The following SHISA2 variants were observed in gnomAD, a reference collection of about 807,000 sequenced individuals.
SHISA2 encodes the protein protein shisa-2 homolog.
A neutral mutation model predicts 23.8 loss-of-function variants in SHISA2; 16 were observed. That is an observed-to-expected ratio of 0.67 (90% CI 0.46 to 1.02). The LOEUF (loss-of-function observed/expected upper bound fraction) is 1.02, where lower values mean the gene tolerates loss of function less well. Ranked by LOEUF, SHISA2 falls within the 50% of genes least tolerant of loss-of-function variation. The pLI is 0.00. For synonymous variants in SHISA2, 201 were observed against 178.6 expected (o/e 1.13, Z -1.00); for missense variants, 459 against 420.1 (o/e 1.09, Z -0.81).
rs757298886 is a variant in SHISA2 at position 26,046,993 on chromosome 13, T to G, written c.408A>C (p.Ala136=). The part of the protein sequence containing the change: ...VAFIILGSLV[A]ACCCRCLRPK... ...GCCGGAGACATCTGCAGCAACAGGC[T>G]GCCACCAGGGACCCCAAGATGATAA... The change falls in exon 2 of 2, where the codon GCA becomes GCC. Residue 136 remains alanine (A), a synonymous_variant. Transcript: ENST00000319420. The G allele has an allele frequency of 1.3e-6, 2 of 1,596,208 alleles. No individual in the cohort carries two copies. The highest frequency in any genetic ancestry group is 4.5e-5 in the East Asian group (2 of 44,478).
intron 1 of SHISA2, among the ~76,000 whole-genome samples, chr13:26,048,036 C>T (rs1056812735): frequency 1.7e-4 from 26 of 152,190 alleles, no homozygotes. Context: ...GGCACGGTGG[C>T]TCACGCCTGT....
Position 26,046,670 on chromosome 13 carries a change from T to C in SHISA2, c.731A>G (p.His244Arg). Residue 244 changes from histidine (H) to arginine (R), a missense_variant, in exon 2 of 2, where the codon CAT (histidine) becomes CGT (arginine). His to Arg is a conservative substitution (Grantham distance 29, BLOSUM62 0). Coordinates refer to ENST00000319420, the MANE Select transcript of SHISA2 (RefSeq NM_001007538.2). The part of the protein sequence containing the change: ...QIVPHQGQYL[H>R]PPYVGYTVQH... ...CACCGTGTACCCCACGTATGGGGGA[T>C]GCAGATACTGCCCTTGATGTGGCAC... is the stretch of plus-strand genomic sequence containing the variant. 1.2e-6 allele frequency: 2 copies of C among 1,614,194 alleles called. No individual in the cohort carries two copies. The highest frequency in any genetic ancestry group is 1.1e-5 in the South Asian group (1 of 91,084).
chr13:26,050,251 C>T (rs950733371), intron 1 of SHISA2, among the ~76,000 whole-genome samples: 1 of 152,142 alleles, frequency 6.6e-6, no homozygotes, highest in African/African-American at 2.4e-5. Flanking sequence ...AGGGGAGCAC[C>T]GCTGCCAGGC....
chr13:26,046,654 C>T lies in SHISA2; in HGVS notation c.747G>A (p.Gly249=). Residue 249 remains glycine (G), a synonymous_variant, in exon 2 of 2, where the codon GGG becomes GGA. Transcript: ENST00000319420. ...QGQYLHPPYV[G]YTVQHDSVPM... Reference sequence around the variant, plus strand: ...GCACAGAGTCGTGCTGCACCGTGTACCCCACGTATGGGGGATGCAGATACT... The same window carrying T: ...GCACAGAGTCGTGCTGCACCGTGTATCCCACGTATGGGGGATGCAGATACT... 5 of 1,614,206 alleles carry T rather than the reference C, an allele frequency of 3.1e-6. No homozygotes were observed. Among genetic ancestry groups the T allele is most frequent in the Non-Finnish European group, 4.2e-6 (5 of 1,180,036 alleles).
rs57979033 is a variant in SHISA2 at position 26,049,863 on chromosome 13, A to AACACACACACACACACACACACAC, written c.334+755_334+778dup. Among the ~76,000 whole-genome samples the AACACACACACACACACACACACAC allele has an allele frequency of 5.4e-4, 73 of 136,040 alleles. 2 individuals are homozygous for AACACACACACACACACACACACAC. Among genetic ancestry groups the AACACACACACACACACACACACAC allele is most frequent in the East Asian group, 1.8e-3 (8 of 4,484 alleles). 89.2% of individuals were successfully genotyped at this position (136,040 alleles called of 152,430 possible). A position where few individuals can be genotyped will look rare whatever the true frequency, so the allele number is the denominator to read the frequency against. On this transcript the variant is annotated intron_variant, in intron 1 of 1. Transcript: ENST00000319420. ...ACACCTCCCCTCCCCCGAAATAAAT[A>AACACACACACACACACACACACAC]ACACACACACACACACACACACACA...
In SHISA2 at chr13:26,046,666, G is replaced by C. The variant is rs747457810; in HGVS notation, c.735C>G (p.Pro245=). 1 of 1,614,228 alleles carries C rather than the reference G, an allele frequency of 6.2e-7. No individual in the cohort carries two copies. The highest frequency in any genetic ancestry group is 8.5e-7 in the Non-Finnish European group (1 of 1,180,036). Residue 245 remains proline, a synonymous_variant, in exon 2 of 2, where the codon CCC becomes CCG. Transcript: ENST00000319420. ...IVPHQGQYLH[P]PYVGYTVQHD... ...GCTGCACCGTGTACCCCACGTATGG[G>C]GGATGCAGATACTGCCCTTGATGTG...
Position 26,046,379 on chromosome 13 carries a change from T to C in SHISA2, c.*134A>G, listed in dbSNP as rs572324303. Reference sequence around the variant, plus strand: ...AAATGCTAATTCGGAGATGTTTTCATACAGTCTGGGGGCAAATGAAGCCAT... The same window carrying C: ...AAATGCTAATTCGGAGATGTTTTCACACAGTCTGGGGGCAAATGAAGCCAT... On this transcript the variant is annotated 3_prime_UTR_variant, in exon 2 of 2. Transcript: ENST00000319420. The C allele has an allele frequency of 5.3e-5, 46 of 875,984 alleles. No homozygotes were observed. The highest frequency in any genetic ancestry group is 2.9e-5 in the Non-Finnish European group (17 of 591,268). 54.3% of individuals were successfully genotyped at this position (875,984 alleles called of 1,614,324 possible). A position where few individuals can be genotyped will look rare whatever the true frequency, so the allele number is the denominator to read the frequency against.
rs577293008 is a variant in SHISA2, at chr13:26,051,968, G to A, written c.-993C>T. Among the ~76,000 whole-genome samples the A allele has an allele frequency of 2.5e-4, 17 of 68,708 alleles. No homozygotes were observed. The highest frequency in any genetic ancestry group is 2.0e-3 in the South Asian group (3 of 1,516). 45.1% of individuals were successfully genotyped at this position (68,708 alleles called of 152,430 possible). A position where few individuals can be genotyped will look rare whatever the true frequency, so the allele number is the denominator to read the frequency against. On this transcript the variant is annotated 5_prime_UTR_variant, in exon 1 of 2. Transcript: ENST00000319420. ...ACGGGAGAAGCCGAGCGCAGCAGCC[G>A]CCCACAGCCTCGCCTCGCCCCGCCC...
chr13:26,046,723 C>T lies in SHISA2; in HGVS notation c.678G>A (p.Val226=), dbSNP rs766458532. 5 of 1,614,232 alleles carry T rather than the reference C, an allele frequency of 3.1e-6. No individual in the cohort carries two copies. The East Asian group carries it at 1.1e-4, about 36-fold the overall frequency. The change falls in exon 2 of 2, where the codon GTG becomes GTA. Residue 226 remains valine, a synonymous_variant. Coordinates refer to ENST00000319420, the MANE Select transcript of SHISA2 (RefSeq NM_001007538.2). ...VYVNMPTNFS[V]LNCQQATQIV... is the part of the protein sequence containing the mutation. ...TCTGGGTGGCCTGCTGACAGTTCAG[C>T]ACAGAGAAATTCGTGGGCATGTTGA...
intron 1 of SHISA2, among the ~76,000 whole-genome samples, chr13:26,047,992 T>C (rs1017278887): frequency 1.3e-5 from 2 of 152,160 alleles, no homozygotes; most frequent in East Asian, 3.9e-4. Context: ...ATAAAACCAC[T>C]AGCAAACTCC....
rs1401421012 is a variant in SHISA2 at position 26,046,441 on chromosome 13, C to T, written c.*72G>A. ...GTGCCATAAATACCACCGACATGTG[C>T]GGACTTCCACCTCGAGAATCCACCC... On this transcript the variant is annotated 3_prime_UTR_variant, in exon 2 of 2. Transcript: ENST00000319420. 1.6e-5 allele frequency: 24 copies of T among 1,473,326 alleles called. 1 individual carries two copies. The highest frequency in any genetic ancestry group is 1.2e-4 in the East Asian group (5 of 43,316). 91.3% of individuals were successfully genotyped at this position (1,473,326 alleles called of 1,614,324 possible). A position where few individuals can be genotyped will look rare whatever the true frequency, so the allele number is the denominator to read the frequency against.
chr13:26,046,841 G>C lies in SHISA2; in HGVS notation c.560C>G (p.Ser187Cys). Residue 187 changes from serine to cysteine, a missense_variant, in exon 2 of 2, where the codon TCC becomes TGC. Physicochemically the swap from Ser to Cys is moderately radical, Grantham distance 112. Coordinates refer to ENST00000319420, the MANE Select transcript of SHISA2 (RefSeq NM_001007538.2). ...GGCCCCTGAGTTGGCGCTGGAGCTG[G>C]AACTGGCAGCTGTGCTGGACTGGCG... ...SSRQSSTAAS[S>C]SSSANSGARA... 1 of 1,614,124 alleles carries C rather than the reference G, an allele frequency of 6.2e-7. No homozygotes were observed. Among genetic ancestry groups the C allele is most frequent in the African/African-American group, 1.3e-5 (1 of 75,038 alleles).
At position 26,046,808 on chromosome 13, in the gene SHISA2, G is replaced by T; in HGVS notation, c.593C>A (p.Pro198His). Residue 198 changes from proline to histidine, a missense_variant, in exon 2 of 2, where the codon CCC becomes CAC. Pro to His is a moderately conservative substitution (Grantham distance 77). Transcript: ENST00000319420. The part of the protein sequence containing the change: ...SSSANSGARA[P>H]PTRSQTNCCL... The stretch of plus-strand genomic sequence containing the variant: ...ACAGTTGGTCTGTGACCTTGTTGGG[G>T]GCGCCCGGGCCCCTGAGTTGGCGCT... The T allele has an allele frequency of 6.2e-7, 1 of 1,614,204 alleles. No individual in the cohort carries two copies.
Position 26,044,599 on chromosome 13 carries a change from C to T in SHISA2, c.*1914G>A, listed in dbSNP as rs541401472. ...AAGAAACCCAACTCCGCTAGGAATT[C>T]ACATCATAAAATATTTATTAATAAG... On this transcript the variant is annotated 3_prime_UTR_variant, in exon 2 of 2. Transcript: ENST00000319420. The T allele has an allele frequency of 3.1e-4, 47 of 152,276 alleles. 2 individuals are homozygous for T. In the South Asian group the frequency reaches 3.1e-3, roughly 10 times the overall value. The allele number at this position is 152,276 out of a possible 1,614,324, so 9.4% of individuals were successfully genotyped here.
At chr13:26,047,449 ATTG>A (rs531569082) in intron 1 of SHISA2, among the ~76,000 whole-genome samples, 19 of 152,348 alleles carry the variant, frequency 1.2e-4, no homozygotes, top group Admixed American at 3.9e-4. Flanking sequence ...GCCCGACCAT[ATTG>A]TTGTAGGATC....
In SHISA2 at chr13:26,046,877, C is replaced by A. The variant is rs143868787; in HGVS notation, c.524G>T (p.Gly175Val). ...PMIPSASTSR[G>V]SSSRQSSTAA... Reference sequence around the variant, plus strand: ...TGTGCTGGACTGGCGTGAGGACGACCCCCGGGAGGTGCTGGCACTGGGGAT... The same window carrying A: ...TGTGCTGGACTGGCGTGAGGACGACACCCGGGAGGTGCTGGCACTGGGGAT... Residue 175 changes from glycine (G) to valine (V), a missense_variant, in exon 2 of 2, where the codon GGG becomes GTG. Transcript: ENST00000319420. 1.2e-6 allele frequency: 2 copies of A among 1,613,588 alleles called. No individual in the cohort carries two copies. The highest frequency in any genetic ancestry group is 2.2e-5 in the South Asian group (2 of 90,988).
At position 26,051,773 on chromosome 13, in the gene SHISA2, C is replaced by T. The variant is rs937096316; in HGVS notation, c.-798G>A. 6.6e-6 allele frequency among the ~76,000 whole-genome samples: 1 copy of T among 152,122 alleles called. No individual in the cohort carries two copies. The highest frequency in any genetic ancestry group is 1.5e-5 in the Non-Finnish European group (1 of 67,996). ...GCCGCGGCTGCTGCTGGGCGCGGAT[C>T]CAGGCGGGCGGCTCGCCCCGGTTCC... is the stretch of plus-strand genomic sequence containing the variant. On this transcript the variant is annotated 5_prime_UTR_variant, in exon 1 of 2. Transcript: ENST00000319420.
intron 1 of SHISA2, among the ~76,000 whole-genome samples, chr13:26,047,442 C>T (rs1311975903): frequency 6.6e-6 from 1 of 152,174 alleles, no homozygotes; most frequent in African/African-American, 2.4e-5. Context: ...TAAGTCTGCC[C>T]GACCATATTG....
chr13:26,050,657 G>A lies in SHISA2; in HGVS notation c.319C>T (p.Pro107Ser). The A allele has an allele frequency of 1.4e-5, 20 of 1,428,928 alleles. No individual in the cohort carries two copies. Among genetic ancestry groups the A allele is most frequent in the Non-Finnish European group, 1.8e-5 (20 of 1,100,290 alleles). The allele number at this position is 1,428,928 out of a possible 1,614,324, so 88.5% of individuals were successfully genotyped here. The change falls in exon 1 of 2, where the codon CCC (proline) becomes TCC (serine). Residue 107 changes from proline (P) to serine (S), a missense_variant. Coordinates refer to ENST00000319420, the MANE Select transcript of SHISA2 (RefSeq NM_001007538.2). ...GCCGCCCTACCTGCCGAGCCGTCGG[G>A]GCCGTCTTTGTCCGCCCGGCCAGGC... ...GEPGRADKDG[P>S]DGSAVPIYVP...
Sources: gnomAD v4.1 joint callset for allele counts (sites outside exome capture counted in the v4.1 genomes callset) on GRCh38, gnomAD v4.1.1 for gene constraint, MANE v1.5 for transcripts, NCBI Gene and HGNC (gene_info 2026-07-23, HGNC 2026-07-21) for gene names.